Variants in DDHD1 observed in about 807,000 individuals in gnomAD.
The protein encoded by DDHD1 is DDHD domain containing 1.
In DDHD1, 49 loss-of-function variants were observed where a neutral mutation model predicts 96.4. The observed-to-expected ratio is 0.51, with a 90% confidence interval of 0.40 to 0.64. The LOEUF (loss-of-function observed/expected upper bound fraction) is 0.64, where lower values mean the gene tolerates loss of function less well. DDHD1 is among the 30% of genes least tolerant of loss of function. The pLI, the probability that DDHD1 is intolerant of heterozygous loss-of-function variation, is 0.00. For missense variants in DDHD1, 1,106 were observed against 1,161.2 expected, an observed-to-expected ratio of 0.95 and a Z score of 0.69; for synonymous variants, 442 against 446.5, an observed-to-expected ratio of 0.99 and a Z score of 0.13.
Position 53,088,275 on chromosome 14 carries a change from T to C in DDHD1, c.1289+3510A>G, listed in dbSNP as rs573895680. On this transcript the variant is annotated intron_variant, in intron 4 of 12. Transcript: ENST00000673822. ...GCTGGTGCCATTCCTTCTGAAACCA[T>C]TGCAGTCAACAGAAAAAGAGGGAAT... 3.9e-5 allele frequency among the ~76,000 whole-genome samples: 6 copies of C among 152,272 alleles called. No individual in the cohort carries two copies. In the East Asian group the frequency reaches 5.8e-4, roughly 15 times the overall value.
chr14:53,131,250 G>A (rs977973154), intron 1 of DDHD1, among the ~76,000 whole-genome samples: 1 of 151,996 alleles, frequency 6.6e-6, no homozygotes, highest in African/African-American at 2.4e-5. Flanking sequence ...AGCCTCCTTT[G>A]CATCTTCCTA....
chr14:53,151,234 GT>G (rs1264871865), intron 1 of DDHD1, among the ~76,000 whole-genome samples: 3 of 152,236 alleles, frequency 2.0e-5, no homozygotes, highest in Non-Finnish European at 4.4e-5. Flanking sequence ...AGGGCAGAGT[GT>G]TGTATGGAGG....
intron 4 of DDHD1, among the ~76,000 whole-genome samples, chr14:53,083,221 T>C (rs559736932): frequency 6.6e-6 from 1 of 152,296 alleles, no homozygotes; most frequent in East Asian, 1.9e-4. Context: ...TATATCATGT[T>C]CAAAAAGGTT....
At chr14:53,105,961 T>C (rs1174329075) in intron 1 of DDHD1, among the ~76,000 whole-genome samples, 7 of 151,724 alleles carry the variant, frequency 4.6e-5, no homozygotes, top group African/African-American at 1.7e-4. Flanking sequence ...CTCTCTCCTG[T>C]GGTGGTGGTG....
At position 53,054,399 on chromosome 14, in the gene DDHD1, G is replaced by C. The variant is rs970374652; in HGVS notation, c.2437+39C>G. On this transcript the variant is annotated intron_variant, in intron 11 of 12. Coordinates refer to ENST00000673822, the MANE Select transcript of DDHD1 (RefSeq NM_001160148.2). ...CCCTGCCCTCCCCAAGTTTTAAAAAGATACAGTATCAACTTAAGGAAATAA... is the reference window on the plus strand; with the variant it reads ...CCCTGCCCTCCCCAAGTTTTAAAAACATACAGTATCAACTTAAGGAAATAA... The C allele has an allele frequency of 1.9e-6, 3 of 1,574,758 alleles. No homozygotes were observed. In the African/African-American group the frequency reaches 4.0e-5, roughly 21 times the overall value.
At chr14:53,068,529 G>A (rs1884242970) in intron 6 of DDHD1, among the ~76,000 whole-genome samples, 1 of 152,116 alleles carries the variant, frequency 6.6e-6, no homozygotes, top group South Asian at 2.1e-4. Context: ...GGGATTACAG[G>A]CGTGTGCCAC....
At chr14:53,121,643 G>A (rs1440012752) in intron 1 of DDHD1, among the ~76,000 whole-genome samples, 1 of 152,190 alleles carries the variant, frequency 6.6e-6, no homozygotes, top group Non-Finnish European at 1.5e-5. Context: ...GATGAAGCTG[G>A]AAGCCATCAT....
Position 53,058,455 on chromosome 14 carries a change from AAG to A in DDHD1, c.1992+20_1992+21del, listed in dbSNP as rs1883258687. The A allele has an allele frequency of 6.3e-7, 1 of 1,581,322 alleles. No homozygotes were observed. Among genetic ancestry groups the A allele is most frequent in the African/African-American group, 1.4e-5 (1 of 73,122 alleles). ...GGAACAATTTGACATTGAGAAAAAA[AAG>A]AGTCTATATTGCAACTCACCACTGG... On this transcript the variant is annotated intron_variant, in intron 9 of 12. Coordinates refer to ENST00000673822, the MANE Select transcript of DDHD1 (RefSeq NM_001160148.2).
At chr14:53,068,045 A>G in intron 6 of DDHD1, among the ~76,000 whole-genome samples, 1 of 152,180 alleles carries the variant, frequency 6.6e-6, no homozygotes, top group Middle Eastern at 3.4e-3. Context: ...CAACTTTATA[A>G]ATTTATTTTG....
At chr14:53,141,496 GA>G (rs1192755171) in intron 1 of DDHD1, among the ~76,000 whole-genome samples, 6 of 152,156 alleles carry the variant, frequency 3.9e-5, no homozygotes, top group Admixed American at 2.0e-4. Context: ...AATCTCCAGG[GA>G]TAAGATCTGA....
At chr14:53,152,141 AGCC>A in intron 1 of DDHD1, 117 bp downstream of exon 1, 3 of 1,025,212 alleles carry the variant, frequency 2.9e-6, no homozygotes, top group Admixed American at 3.4e-5. Context: ...ATCCTGCCCC[AGCC>A]AAACGCCAGG....
chr14:53,142,441 T>C (rs1352001310), intron 1 of DDHD1, among the ~76,000 whole-genome samples: 1 of 151,802 alleles, frequency 6.6e-6, no homozygotes, highest in African/African-American at 2.4e-5. Context: ...TGTGGGCCAT[T>C]TTTTTCTTGC....
At position 53,113,221 on chromosome 14, in the gene DDHD1, G is replaced by A. The variant is rs149524513; in HGVS notation, c.839-9365C>T. ...GACCTCAAGTGATCTGCCTGCTTCG[G>A]CCTCCCAAAGTGCTGGGATTACAGG... On this transcript the variant is annotated intron_variant, in intron 1 of 12. Transcript: ENST00000673822. Among the ~76,000 whole-genome samples the A allele has an allele frequency of 5.7e-4, 87 of 151,874 alleles. 4 individuals are homozygous for A. In the East Asian group the frequency reaches 0.016, roughly 29 times the overall value.
At chr14:53,081,309 G>C (rs1388904585) in intron 4 of DDHD1, among the ~76,000 whole-genome samples, 7 of 152,174 alleles carry the variant, frequency 4.6e-5, no homozygotes, top group Admixed American at 4.6e-4. Flanking sequence ...ACAAATATGA[G>C]TATATGCAAG....
intron 10 of DDHD1, 132 bp from the exon 11 acceptor site, chr14:53,054,761 A>C: frequency 2.7e-6 from 2 of 734,878 alleles, no homozygotes. Context: ...GTGGGAACAT[A>C]AGAAAATTAT....
At chr14:53,075,467 A>G (rs1456988185) in intron 4 of DDHD1, among the ~76,000 whole-genome samples, 3 of 152,206 alleles carry the variant, frequency 2.0e-5, no homozygotes, top group Non-Finnish European at 2.9e-5. Context: ...AGAGGGGCAA[A>G]GAAGCTACCG....
chr14:53,152,102 C>A (rs1449700547), intron 1 of DDHD1, among the ~76,000 whole-genome samples, 159 bp downstream of exon 1: 1 of 152,174 alleles, frequency 6.6e-6, no homozygotes, highest in African/African-American at 2.4e-5. Flanking sequence ...GTTTACCCTT[C>A]AGCTGCCGAC....
intron 8 of DDHD1, among the ~76,000 whole-genome samples, chr14:53,059,069 T>A (rs1471503758): frequency 6.6e-6 from 1 of 151,944 alleles, no homozygotes; most frequent in African/African-American, 2.4e-5. Context: ...GTGAAAAAAA[T>A]AATTCCAACT....
rs148879540 is a variant in DDHD1, at chr14:53,050,244, G to A, written c.2521+1600C>T. Among the ~76,000 whole-genome samples, 945 of 152,228 alleles carry A rather than the reference G, an allele frequency of 6.2e-3. 4 individuals are homozygous for A. The highest frequency in any genetic ancestry group is 0.017 in the Middle Eastern group (5 of 294). On this transcript the variant is annotated intron_variant, in intron 12 of 12. Coordinates refer to ENST00000673822, the MANE Select transcript of DDHD1 (RefSeq NM_001160148.2). ...GAAACAGCATGAGCAAAACTGCAGA[G>A]GTGGGAAGCATGGGGTATGAAGAGA...
Sources: allele counts gnomAD v4.1 joint callset (sites outside exome capture counted in the v4.1 genomes callset), GRCh38; gene constraint gnomAD v4.1.1; transcripts MANE v1.5; gene names NCBI Gene and HGNC (gene_info 2026-07-23, HGNC 2026-07-21).